EXD1: variants seen among roughly 807,000 people sequenced by gnomAD.
EXD1 encodes exonuclease 3'-5' domain containing 1, also known as piRNA biogenesis protein EXD1.
EXD1 carries 63 observed loss-of-function variants against 49.1 expected under a neutral mutation model. The ratio of observed to expected loss-of-function variants is 1.28; its 90% CI spans 1.05 to 1.58. The LOEUF is 1.58. Ranked by LOEUF, EXD1 falls within the 40% of genes most tolerant of loss-of-function variation. The pLI is 0.00. For missense variants in EXD1, 748 were observed against 666.0 expected, an observed-to-expected ratio of 1.12 and a Z score of -1.36; for synonymous variants, 234 against 239.2, an observed-to-expected ratio of 0.98 and a Z score of 0.20.
intron 2 of EXD1, among the ~76,000 whole-genome samples, chr15:41,225,334 C>T (rs59691280): frequency 0.29 from 44,289 of 152,128 alleles, 9,041 homozygotes; most frequent in African/African-American, 0.57. Context: ...CCTGTAATCC[C>T]AGCACTTTGG....
chr15:41,188,803 CTT>C lies in EXD1; in HGVS notation c.1056+1132_1056+1133del, dbSNP rs112364138. 3.8e-3 allele frequency among the ~76,000 whole-genome samples: 425 copies of C among 110,428 alleles called. 5 individuals are homozygous for C. Among genetic ancestry groups the C allele is most frequent in the Admixed American group, 0.027 (280 of 10,450 alleles). The allele number at this position is 110,428 out of a possible 152,430, so 72.4% of individuals were successfully genotyped here. On this transcript the variant is annotated intron_variant, in intron 11 of 11. Coordinates refer to ENST00000458580, the MANE Select transcript of EXD1 (RefSeq NM_001286441.2). ...TTTCCTTTTTTTTCTTTTCTTTCTT[CTT>C]TTTTTTTTTTTTTTTGAGACAGAGT...
chr15:41,184,222 C>T lies in EXD1; in HGVS notation c.1428G>A (p.Gly476=). The change falls in exon 12 of 12, where the codon GGG becomes GGA. Residue 476 remains glycine, a synonymous_variant. Transcript: ENST00000458580. ...SNKLICTKSK[G]SEDQRITQKE... ...TCTGAGTTATTCTCTGGTCCTCTGA[C>T]CCCTTTGACTTTGTGCAAATGAGTT... is the stretch of plus-strand genomic sequence containing the variant. The T allele has an allele frequency of 6.2e-7, 1 of 1,614,184 alleles. No individual in the cohort carries two copies. Among genetic ancestry groups the T allele is most frequent in the Non-Finnish European group, 8.5e-7 (1 of 1,180,042 alleles).
chr15:41,207,998 G>A (rs577946177), intron 7 of EXD1, among the ~76,000 whole-genome samples: 381 of 146,396 alleles, frequency 2.6e-3, no homozygotes, highest in Middle Eastern at 0.015. Flanking sequence ...GCAACAGAGC[G>A]AGACCCTGCC....
intron 7 of EXD1, among the ~76,000 whole-genome samples, chr15:41,207,114 G>T (rs1204892175): frequency 6.6e-6 from 1 of 151,178 alleles, no homozygotes; most frequent in African/African-American, 2.4e-5. Context: ...GGTGGCGGGA[G>T]CCTGTAGTCC....
intron 1 of EXD1, among the ~76,000 whole-genome samples, chr15:41,228,034 G>C (rs1264224572): frequency 1.8e-4 from 28 of 152,184 alleles, no homozygotes; most frequent in Admixed American, 1.8e-3. Flanking sequence ...TGGGAGACAA[G>C]AGTGAAACTC....
intron 3 of EXD1, 170 bp downstream of exon 3, chr15:41,219,660 A>C (rs958694626): frequency 2.6e-5 from 14 of 542,114 alleles, no homozygotes; most frequent in African/African-American, 1.2e-4. Context: ...CAAAATGATT[A>C]TAATTCTATA....
chr15:41,222,878 G>A (rs1288982683), intron 2 of EXD1, among the ~76,000 whole-genome samples: 1 of 143,004 alleles, frequency 7.0e-6, no homozygotes, highest in Non-Finnish European at 1.5e-5. Context: ...AGAGGTTCCA[G>A]TGAATCAAGA....
Position 41,230,668 on chromosome 15 carries a change from C to G in EXD1, c.-243G>C. 9.2e-7 allele frequency: 1 copy of G among 1,082,478 alleles called. No homozygotes were observed. 67.1% of individuals were successfully genotyped at this position (1,082,478 alleles called of 1,614,324 possible). A position where few individuals can be genotyped will look rare whatever the true frequency, so the allele number is the denominator to read the frequency against. Reference sequence around the variant, plus strand: ...CGCCACCCGGCGGCGGTTATCAAATCACAGGCTGAAAACCTGGAGAAAGGT... The same window carrying G: ...CGCCACCCGGCGGCGGTTATCAAATGACAGGCTGAAAACCTGGAGAAAGGT... On this transcript the variant is annotated 5_prime_UTR_variant, in exon 1 of 12. Transcript: ENST00000458580.
At chr15:41,212,946 T>TGG (rs1318891765) in intron 6 of EXD1, among the ~76,000 whole-genome samples, 3 of 151,872 alleles carry the variant, frequency 2.0e-5, no homozygotes, top group Non-Finnish European at 4.4e-5. Context: ...GAGGCTAAGG[T>TGG]GGGAGGATTG....
chr15:41,224,663 T>G (rs1406852374), intron 2 of EXD1, among the ~76,000 whole-genome samples: 1 of 152,092 alleles, frequency 6.6e-6, no homozygotes, highest in Non-Finnish European at 1.5e-5. Context: ...AGTTGTAAGA[T>G]TTAAGGTTGT....
Position 41,192,592 on chromosome 15 carries a change from GCAT to G in EXD1, c.721-1010_721-1008del, listed in dbSNP as rs1227076605. 5.7e-3 allele frequency among the ~76,000 whole-genome samples: 493 copies of G among 86,184 alleles called. 128 individuals carry two copies. Among genetic ancestry groups the G allele is most frequent in the Non-Finnish European group, 7.5e-3 (313 of 41,884 alleles). The allele number at this position is 86,184 out of a possible 152,430, so 56.5% of individuals were successfully genotyped here. ...TTACAGGCGTGAACCACTGCGCCAG[GCAT>G]TTTTTTTTTTTTTTTTTTTTTTTTT... is the stretch of plus-strand genomic sequence containing the variant. On this transcript the variant is annotated intron_variant, in intron 9 of 11. Coordinates refer to ENST00000458580, the MANE Select transcript of EXD1 (RefSeq NM_001286441.2).
At chr15:41,213,253 G>A (rs893698046) in intron 6 of EXD1, among the ~76,000 whole-genome samples, 20 of 151,878 alleles carry the variant, frequency 1.3e-4, no homozygotes, top group African/African-American at 4.6e-4. Context: ...CCAGGCTGGA[G>A]TGCAGTGGCA....
intron 7 of EXD1, among the ~76,000 whole-genome samples, chr15:41,201,401 C>A (rs915857239): frequency 2.9e-4 from 44 of 151,662 alleles, no homozygotes; most frequent in African/African-American, 9.4e-4. Flanking sequence ...TTAAAACAGG[C>A]AACAAATACA....
rs765251606 is a variant in EXD1, at chr15:41,184,369, T to C, written c.1281A>G (p.Thr427=). ...NFRIDKAPSF[T]SQDFHGDVNL... is the part of the protein sequence containing the mutation. Reference sequence around the variant, plus strand: ...TCACATCCCCGTGAAAGTCTTGAGATGTAAAACTTGGAGCTTTATCTATCC... The same window carrying C: ...TCACATCCCCGTGAAAGTCTTGAGACGTAAAACTTGGAGCTTTATCTATCC... Residue 427 remains threonine, a synonymous_variant, in exon 12 of 12, where the codon ACA becomes ACG. Transcript: ENST00000458580. 6.2e-7 allele frequency: 1 copy of C among 1,614,174 alleles called. No individual in the cohort carries two copies. The highest frequency in any genetic ancestry group is 2.2e-5 in the East Asian group (1 of 44,886).
At chr15:41,220,771 A>C (rs189273117) in intron 2 of EXD1, among the ~76,000 whole-genome samples, 1 of 152,302 alleles carries the variant, frequency 6.6e-6, no homozygotes, top group Admixed American at 6.5e-5. Flanking sequence ...CAGCAGTCCA[A>C]ATAATTGAGT....
At chr15:41,202,682 G>A (rs72737781) in intron 7 of EXD1, among the ~76,000 whole-genome samples, 8,002 of 152,044 alleles carry the variant, frequency 0.053, 273 homozygotes, top group Non-Finnish European at 0.079. Context: ...GCTCAGGCTG[G>A]TCTCCAACTC....
At chr15:41,192,606 T>G (rs1310736092) in intron 9 of EXD1, among the ~76,000 whole-genome samples, 28 of 93,726 alleles carry the variant, frequency 3.0e-4, no homozygotes, top group African/African-American at 1.3e-3. Context: ...TTTTTTTTTT[T>G]TTTTTTTTTT....
Position 41,208,369 on chromosome 15 carries a change from GAAAAAAAAAA to G in EXD1, c.534+1122_534+1131del, listed in dbSNP as rs10586810. 1.4e-4 allele frequency among the ~76,000 whole-genome samples: 9 copies of G among 62,680 alleles called. No individual in the cohort carries two copies. In the South Asian group the frequency reaches 2.5e-3, roughly 17 times the overall value. 41.1% of individuals were successfully genotyped at this position (62,680 alleles called of 152,430 possible). ...GACAATATAGGGAGAACTCATCTCT[GAAAAAAAAAA>G]AAAAAAAAAAAAAAGTAAAGGAAGA... is the stretch of plus-strand genomic sequence containing the variant. On this transcript the variant is annotated intron_variant, in intron 7 of 11. Transcript: ENST00000458580.
At chr15:41,210,389 A>G (rs1302465905) in intron 6 of EXD1, among the ~76,000 whole-genome samples, 1 of 152,208 alleles carries the variant, frequency 6.6e-6, no homozygotes, top group Non-Finnish European at 1.5e-5. Context: ...GATTCACTGA[A>G]TTACTCAAAA....
Sources: allele counts gnomAD v4.1 joint callset (sites outside exome capture counted in the v4.1 genomes callset), GRCh38; gene constraint gnomAD v4.1.1; transcripts MANE v1.5; gene names NCBI Gene and HGNC (gene_info 2026-07-23, HGNC 2026-07-21).